The following CSMD1 variants were observed in gnomAD, a reference collection of about 807,000 sequenced individuals.
CSMD1 encodes CUB and Sushi multiple domains 1.
CSMD1 carries 213 observed loss-of-function variants against 417.5 expected under a neutral mutation model. The observed-to-expected ratio is 0.51, with a 90% CI of 0.46 to 0.57. The LOEUF is 0.57. Among genes scored for constraint, CSMD1 ranks in the 20% least tolerant of loss-of-function variants. CSMD1 has a pLI of 0.00. For synonymous variants in CSMD1, 2,862 were observed against 1,736.8 expected (o/e 1.65, Z -16.11); for missense variants, 6,923 against 4,529.7 (o/e 1.53, Z -15.17).
chr8:4,229,062 AGCTTT>A (rs1801542176), intron 3 of CSMD1, among the ~76,000 whole-genome samples: 1 of 152,188 alleles, frequency 6.6e-6, no homozygotes, highest in Non-Finnish European at 1.5e-5. Context: ...TATCAGACTA[AGCTTT>A]CCCAAACCTG....
chr8:4,345,617 A>T (rs1800734858), intron 3 of CSMD1, among the ~76,000 whole-genome samples: 1 of 152,128 alleles, frequency 6.6e-6, no homozygotes, highest in African/African-American at 2.4e-5. Context: ...AAAAACAAAA[A>T]GTACCAAAAT....
At chr8:4,687,616 C>A (rs1313650261) in intron 1 of CSMD1, among the ~76,000 whole-genome samples, 1 of 152,082 alleles carries the variant, frequency 6.6e-6, no homozygotes, top group Non-Finnish European at 1.5e-5. Context: ...TGTATTTTCC[C>A]GGTGAATTAT....
chr8:4,809,963 C>A (rs1400286567), intron 1 of CSMD1, among the ~76,000 whole-genome samples: 1 of 152,152 alleles, frequency 6.6e-6, no homozygotes, highest in African/African-American at 2.4e-5. Context: ...TCTTCTCCTG[C>A]AAACGGGGTA....
intron 23 of CSMD1, among the ~76,000 whole-genome samples, chr8:3,325,203 G>A: frequency 6.6e-6 from 1 of 152,258 alleles, no homozygotes; most frequent in East Asian, 1.9e-4. Flanking sequence ...CGGTGTCCAG[G>A]TCTCCAGGCT....
At chr8:3,374,973 G>A (rs1195079230) in intron 18 of CSMD1, among the ~76,000 whole-genome samples, 2 of 152,146 alleles carry the variant, frequency 1.3e-5, no homozygotes, top group African/African-American at 4.8e-5. Flanking sequence ...GAAGCACGCA[G>A]ACAATTTCAC....
At chr8:3,961,380 A>C (rs1812308468) in intron 5 of CSMD1, among the ~76,000 whole-genome samples, 1 of 152,178 alleles carries the variant, frequency 6.6e-6, no homozygotes, top group Non-Finnish European at 1.5e-5. Context: ...GATTATCTAG[A>C]CTCCACTGTA....
intron 3 of CSMD1, among the ~76,000 whole-genome samples, chr8:4,152,498 C>T (rs1796620230): frequency 6.8e-6 from 1 of 146,060 alleles, no homozygotes; most frequent in Admixed American, 7.0e-5. Context: ...GAAAACACTG[C>T]AAAGCCCTGT....
intron 7 of CSMD1, among the ~76,000 whole-genome samples, chr8:3,643,388 T>A (rs1056305039): frequency 1.3e-5 from 2 of 151,644 alleles, no homozygotes; most frequent in South Asian, 4.2e-4. Context: ...ACCTCCAGAG[T>A]CCCTGAGTGC....
At chr8:3,765,194 C>T (rs556239654) in intron 5 of CSMD1, among the ~76,000 whole-genome samples, 1 of 152,256 alleles carries the variant, frequency 6.6e-6, no homozygotes, top group South Asian at 2.1e-4. Flanking sequence ...ACCTTGTGTT[C>T]TGCCCATGTG....
At chr8:3,917,054 T>C (rs1377478694) in intron 5 of CSMD1, among the ~76,000 whole-genome samples, 1 of 152,192 alleles carries the variant, frequency 6.6e-6, no homozygotes, top group Non-Finnish European at 1.5e-5. Context: ...TCTTTTTGAA[T>C]GTTACATAAT....
intron 10 of CSMD1, among the ~76,000 whole-genome samples, chr8:3,547,501 T>G (rs1164214490): frequency 6.6e-6 from 1 of 152,210 alleles, no homozygotes; most frequent in African/African-American, 2.4e-5. Flanking sequence ...GAGCATATAT[T>G]TATGCCTGAT....
At chr8:3,082,756 A>C (rs940736221) in intron 49 of CSMD1, among the ~76,000 whole-genome samples, 1 of 152,228 alleles carries the variant, frequency 6.6e-6, no homozygotes, top group Non-Finnish European at 1.5e-5. Context: ...AAACATGTCA[A>C]GAAATTATAC....
chr8:4,116,068 G>A (rs1403613279), intron 3 of CSMD1, among the ~76,000 whole-genome samples: 2 of 151,712 alleles, frequency 1.3e-5, no homozygotes, highest in East Asian at 3.9e-4. Flanking sequence ...TGGCAATCTT[G>A]GCTCACTGCA....
chr8:4,108,534 C>G (rs1327057976), intron 3 of CSMD1, among the ~76,000 whole-genome samples: 1 of 152,046 alleles, frequency 6.6e-6, no homozygotes, highest in Non-Finnish European at 1.5e-5. Flanking sequence ...TATTTGTAAC[C>G]CCAACTGTTT....
intron 2 of CSMD1, among the ~76,000 whole-genome samples, chr8:4,436,544 A>G (rs1798160389): frequency 1.3e-5 from 2 of 152,128 alleles, no homozygotes; most frequent in Admixed American, 1.3e-4. Flanking sequence ...CAATCCGATC[A>G]CACTGTAAGT....
intron 10 of CSMD1, among the ~76,000 whole-genome samples, chr8:3,499,009 T>C (rs906694916): frequency 5.3e-5 from 8 of 152,202 alleles, no homozygotes; most frequent in African/African-American, 1.9e-4. Context: ...TTCTTTGGGA[T>C]ATGGAATTAG....
intron 3 of CSMD1, among the ~76,000 whole-genome samples, chr8:4,374,984 G>T (rs969310645): frequency 2.8e-5 from 4 of 144,208 alleles, no homozygotes; most frequent in Non-Finnish European, 3.0e-5. Flanking sequence ...CGATAGTGGG[G>T]GTACGGGCAA....
chr8:3,097,911 T>C (rs116014383), intron 46 of CSMD1, among the ~76,000 whole-genome samples: 1,622 of 152,306 alleles, frequency 0.011, 29 homozygotes, highest in African/African-American at 0.037. Context: ...GATGAATTAA[T>C]TGTAAATGTA....
chr8:4,134,120 T>G (rs1803275311), intron 3 of CSMD1, among the ~76,000 whole-genome samples: 2 of 152,220 alleles, frequency 1.3e-5, no homozygotes, highest in African/African-American at 4.8e-5. Flanking sequence ...TATAAGAATA[T>G]CAAATTTTCT....
Sources: gnomAD v4.1 joint callset for allele counts (sites outside exome capture counted in the v4.1 genomes callset) on GRCh38, gnomAD v4.1.1 for gene constraint, MANE v1.5 for transcripts, NCBI Gene and HGNC (gene_info 2026-07-23, HGNC 2026-07-21) for gene names.